The following GPX8 variants were observed in gnomAD, a reference collection of about 807,000 sequenced individuals.
GPX8 encodes protein peroxidase GPX8.
Under a neutral mutation model 17.8 loss-of-function variants are expected in GPX8, and 12 were observed. The observed-to-expected ratio is 0.67, with a 90% CI of 0.43 to 1.09. GPX8 has a LOEUF of 1.09. Ranked by LOEUF, GPX8 falls within the 50% of genes least tolerant of loss-of-function variation. GPX8 has a pLI of 0.00. For synonymous variants in GPX8, 86 were observed against 88.1 expected, an observed-to-expected ratio of 0.98 and a Z score of 0.14; for missense variants, 209 against 235.6, an observed-to-expected ratio of 0.89 and a Z score of 0.74.
At chr5:55,161,637 T>C (rs1486183727) in intron 2 of GPX8, among the ~76,000 whole-genome samples, 4 of 152,236 alleles carry the variant, frequency 2.6e-5, no homozygotes. Flanking sequence ...GTGCTGGGCA[T>C]TATTAGTTAA....
At chr5:55,160,440 T>A in intron 1 of GPX8, 44 bp downstream of exon 1, 1 of 1,487,612 alleles carries the variant, frequency 6.7e-7, no homozygotes, top group Non-Finnish European at 9.3e-7. Flanking sequence ...TTTTTCCTTG[T>A]CTCTGTTTAT....
At position 55,160,363 on chromosome 5, in the gene GPX8, A is replaced by G; in HGVS notation, c.171A>G (p.Gly57=). 6.2e-7 allele frequency: 1 copy of G among 1,613,154 alleles called. No homozygotes were observed. The highest frequency in any genetic ancestry group is 1.1e-5 in the South Asian group (1 of 91,040). ...FYAFEVKDAK[G]RTVSLEKYKG... is the part of the protein sequence containing the mutation. ...CCTTTGAAGTGAAGGATGCAAAAGG[A>G]AGAACTGTTTCTCTGGAAAAGTATA... The change falls in exon 1 of 3, where the codon GGA becomes GGG. Residue 57 remains glycine (G), a synonymous_variant. Transcript: ENST00000503787.
rs1047689 is a variant in GPX8, at chr5:55,164,231, G to A, written c.*13G>A. On this transcript the variant is annotated 3_prime_UTR_variant, in exon 3 of 3. Coordinates refer to ENST00000503787, the MANE Select transcript of GPX8 (RefSeq NM_001008397.4). The stretch of plus-strand genomic sequence containing the variant: ...AGAGGATCTATGAGAATGCCATTGC[G>A]TTTCTAATAGAACAGAGAAATGTCT... 84 of 1,507,492 alleles carry A rather than the reference G, an allele frequency of 5.6e-5. 1 individual carries two copies. The highest frequency in any genetic ancestry group is 5.3e-4 in the Middle Eastern group (3 of 5,646). The allele number at this position is 1,507,492 out of a possible 1,614,324, so 93.4% of individuals were successfully genotyped here. A position where few individuals can be genotyped will look rare whatever the true frequency, so the allele number is the denominator to read the frequency against.
At position 55,161,082 on chromosome 5, in the gene GPX8, C is replaced by A. The variant is rs182510529; in HGVS notation, c.293C>A (p.Pro98Gln). The change falls in exon 2 of 3, where the codon CCA becomes CAA. Residue 98 changes from proline to glutamine, a missense_variant. Physicochemically the swap from Pro to Gln is moderately conservative, Grantham distance 76. Coordinates refer to ENST00000503787, the MANE Select transcript of GPX8 (RefSeq NM_001008397.4). Reference sequence around the variant, plus strand: ...AAGGAACTGCACAAAGAGTTTGGACCATCCCACTTCAGCGTGTTGGCTTTT... The same window carrying A: ...AAGGAACTGCACAAAGAGTTTGGACAATCCCACTTCAGCGTGTTGGCTTTT... ...GLKELHKEFG[P>Q]SHFSVLAFPC... 4 of 1,614,162 alleles carry A rather than the reference C, an allele frequency of 2.5e-6. No homozygotes were observed. The highest frequency in any genetic ancestry group is 4.5e-5 in the East Asian group (2 of 44,886).
chr5:55,160,397 G>A lies in GPX8; in HGVS notation c.204+1G>A, dbSNP rs374910860. On this transcript the variant is annotated splice_donor_variant, in intron 1 of 2. Coordinates refer to ENST00000503787, the MANE Select transcript of GPX8 (RefSeq NM_001008397.4). LOFTEE classifies it high-confidence loss of function. ...TTCTCTGGAAAAGTATAAAGGCAAA[G>A]TAAGTTGCATCATCTGATTTTTATT... 9.3e-6 allele frequency: 15 copies of A among 1,604,962 alleles called. No individual in the cohort carries two copies. Among genetic ancestry groups the A allele is most frequent in the Non-Finnish European group, 1.3e-5 (15 of 1,173,604 alleles).
rs980534636 is a variant in GPX8, at chr5:55,164,341, G to A, written c.*123G>A. 2.7e-5 allele frequency: 15 copies of A among 547,134 alleles called. No individual in the cohort carries two copies. The highest frequency in any genetic ancestry group is 1.3e-4 in the East Asian group (4 of 29,692). 33.9% of individuals were successfully genotyped at this position (547,134 alleles called of 1,614,324 possible). On this transcript the variant is annotated 3_prime_UTR_variant, in exon 3 of 3. Coordinates refer to ENST00000503787, the MANE Select transcript of GPX8 (RefSeq NM_001008397.4). ...CACCCAGGCTGGAGTGCAGTAGTGCGTTCTCAGCTCATTGCAACCTCTGCC... is the reference window on the plus strand; with the variant it reads ...CACCCAGGCTGGAGTGCAGTAGTGCATTCTCAGCTCATTGCAACCTCTGCC...
rs1385979363 is a variant in GPX8, at chr5:55,165,800, T to C, written c.*1582T>C. 1 of 152,228 alleles carries C rather than the reference T, an allele frequency of 6.6e-6. No homozygotes were observed. The highest frequency in any genetic ancestry group is 1.5e-5 in the Non-Finnish European group (1 of 68,052). The allele number at this position is 152,228 out of a possible 1,614,324, so 9.4% of individuals were successfully genotyped here. A position where few individuals can be genotyped will look rare whatever the true frequency, so the allele number is the denominator to read the frequency against. On this transcript the variant is annotated 3_prime_UTR_variant, in exon 3 of 3. Transcript: ENST00000503787. ...CTTTAGGCAAGTCACTTAAGTACCT[T>C]ATTTCAGTTTCCTCACCTGTAAATT...
chr5:55,160,189 C>T lies in GPX8; in HGVS notation c.-4C>T, dbSNP rs1352008429. 2.5e-6 allele frequency: 4 copies of T among 1,612,442 alleles called. No homozygotes were observed. The highest frequency in any genetic ancestry group is 3.4e-6 in the Non-Finnish European group (4 of 1,178,512). On this transcript the variant is annotated 5_prime_UTR_variant, in exon 1 of 3. Transcript: ENST00000503787. ...GCTGAGACTTCCCTCTAGAATCCTCCAACATGGAGCCTCTTGCAGCTTACC... is the reference window on the plus strand; with the variant it reads ...GCTGAGACTTCCCTCTAGAATCCTCTAACATGGAGCCTCTTGCAGCTTACC...
intron 2 of GPX8, 29 bp downstream of exon 2, chr5:55,161,284 T>A (rs1292546075): frequency 2.5e-6 from 4 of 1,588,188 alleles, no homozygotes; most frequent in Non-Finnish European, 3.4e-6. Flanking sequence ...TATGCTGTTT[T>A]AAATTGCTTT....
intron 2 of GPX8, among the ~76,000 whole-genome samples, chr5:55,162,730 A>T (rs1744147259): frequency 6.6e-6 from 1 of 152,250 alleles, no homozygotes; most frequent in African/African-American, 2.4e-5. Context: ...TGAACTAATC[A>T]TTCTTCAGTT....
rs1479923554 is a variant in GPX8 at position 55,164,322 on chromosome 5, G to A, written c.*104G>A. On this transcript the variant is annotated 3_prime_UTR_variant, in exon 3 of 3. Transcript: ENST00000503787. ...AGACAGTGTCTCACTCTGTCACCCA[G>A]GCTGGAGTGCAGTAGTGCGTTCTCA... 2 of 792,306 alleles carry A rather than the reference G, an allele frequency of 2.5e-6. No homozygotes were observed. The highest frequency in any genetic ancestry group is 3.0e-5 in the East Asian group (1 of 33,754). The allele number at this position is 792,306 out of a possible 1,614,324, so 49.1% of individuals were successfully genotyped here.
At chr5:55,160,873 G>GA (rs1230986437) in intron 1 of GPX8, 121 bp from the exon 2 acceptor site, 39 of 1,080,908 alleles carry the variant, frequency 3.6e-5, no homozygotes, top group Non-Finnish European at 4.7e-5. Context: ...CCAAAAATAT[G>GA]AAAAAAACAT....
At position 55,160,414 on chromosome 5, in the gene GPX8, A is replaced by T; in HGVS notation, c.204+18A>T. On this transcript the variant is annotated intron_variant, in intron 1 of 2. Coordinates refer to ENST00000503787, the MANE Select transcript of GPX8 (RefSeq NM_001008397.4). ...AAGGCAAAGTAAGTTGCATCATCTG[A>T]TTTTTATTGTTATCATTTTTCCTTG... is the stretch of plus-strand genomic sequence containing the variant. 1 of 1,583,118 alleles carries T rather than the reference A, an allele frequency of 6.3e-7. No homozygotes were observed. The highest frequency in any genetic ancestry group is 8.7e-7 in the Non-Finnish European group (1 of 1,154,920).
intron 2 of GPX8, 47 bp from the exon 3 acceptor site, chr5:55,164,008 A>G (rs1304666022): frequency 4.3e-6 from 6 of 1,379,870 alleles, no homozygotes; most frequent in Non-Finnish European, 5.9e-6. Flanking sequence ...GAAAATCTTG[A>G]CAAAGAATAA....
rs1311348246 is a variant in GPX8, at chr5:55,165,746, C to T, written c.*1528C>T. ...AATGCCAGATGAGTGTGTCAGAAAG[C>T]CTGCTCCTACCTCTCGCCAGCTGCG... On this transcript the variant is annotated 3_prime_UTR_variant, in exon 3 of 3. Transcript: ENST00000503787. 6.6e-6 allele frequency: 1 copy of T among 152,200 alleles called. No individual in the cohort carries two copies. The highest frequency in any genetic ancestry group is 1.5e-5 in the Non-Finnish European group (1 of 68,042). 9.4% of individuals were successfully genotyped at this position (152,200 alleles called of 1,614,324 possible). A position where few individuals can be genotyped will look rare whatever the true frequency, so the allele number is the denominator to read the frequency against.
At position 55,160,246 on chromosome 5, in the gene GPX8, A is replaced by T. The variant is rs1561302118; in HGVS notation, c.54A>T (p.Val18=). 1 of 1,614,038 alleles carries T rather than the reference A, an allele frequency of 6.2e-7. No homozygotes were observed. Among genetic ancestry groups the T allele is most frequent in the Non-Finnish European group, 8.5e-7 (1 of 1,179,876 alleles). Residue 18 remains valine, a synonymous_variant, in exon 1 of 3, where the codon GTA becomes GTT. Transcript: ENST00000503787. ...PLKCSGPRAK[V]FAVLLSIVLC... ...AATGTTCCGGGCCCAGAGCAAAGGT[A>T]TTTGCAGTTTTGCTGTCTATAGTTC...
chr5:55,160,755 AT>A, intron 1 of GPX8: 1 of 487,110 alleles, frequency 2.1e-6, no homozygotes, highest in Non-Finnish European at 3.5e-6. Flanking sequence ...TTTATCTTTA[AT>A]TTAAAAATAA....
chr5:55,161,781 T>C (rs953787227), intron 2 of GPX8, among the ~76,000 whole-genome samples: 1 of 152,226 alleles, frequency 6.6e-6, no homozygotes, highest in African/African-American at 2.4e-5. Flanking sequence ...GCAGTAGTGT[T>C]AGGCTATTTC....
At chr5:55,161,879 T>A (rs953400248) in intron 2 of GPX8, among the ~76,000 whole-genome samples, 6 of 152,152 alleles carry the variant, frequency 3.9e-5, no homozygotes, top group Non-Finnish European at 2.9e-5. Flanking sequence ...CAGCATAGGC[T>A]TTGGCCTCAA....
Sources: allele counts gnomAD v4.1 joint callset (sites outside exome capture counted in the v4.1 genomes callset), GRCh38; gene constraint gnomAD v4.1.1; transcripts MANE v1.5; gene names NCBI Gene and HGNC (gene_info 2026-07-23, HGNC 2026-07-21).